PRR16: variants seen among roughly 807,000 people sequenced by gnomAD.
The protein encoded by PRR16 is proline rich 16.
In PRR16, 6 loss-of-function variants were observed where a neutral mutation model predicts 18.2. The ratio of observed to expected loss-of-function variants is 0.33; its 90% confidence interval spans 0.18 to 0.65. The LOEUF (loss-of-function observed/expected upper bound fraction) is 0.65, where lower values mean the gene tolerates loss of function less well. Ranked by LOEUF, PRR16 falls within the 30% of genes least tolerant of loss-of-function variation. The pLI, the probability that PRR16 is intolerant of heterozygous loss-of-function variation, is 0.74. For synonymous variants in PRR16, 151 were observed against 147.8 expected (o/e 1.02, Z -0.16); for missense variants, 412 against 376.6 (o/e 1.09, Z -0.78).
At chr5:120,717,458 T>A in the PRR16 span, among the ~76,000 whole-genome samples, 3 of 152,200 alleles carry the variant, frequency 2.0e-5, no homozygotes, top group Non-Finnish European at 4.4e-5. Context: ...AAATGATGAT[T>A]TGATTAATAA....
the PRR16 span, among the ~76,000 whole-genome samples, chr5:120,783,363 C>T: frequency 1.3e-5 from 2 of 151,982 alleles, no homozygotes; most frequent in South Asian, 2.1e-4. Context: ...GTATTTAATT[C>T]TATATATATC....
chr5:120,793,944 G>A, the PRR16 span, among the ~76,000 whole-genome samples: 2 of 152,028 alleles, frequency 1.3e-5, no homozygotes, highest in African/African-American at 4.8e-5. Flanking sequence ...ACATAGAAAA[G>A]ATACATTGAA....
chr5:120,593,335 AAG>A (rs1166080408), intron 1 of PRR16, among the ~76,000 whole-genome samples: 3 of 151,972 alleles, frequency 2.0e-5, no homozygotes, highest in Non-Finnish European at 1.5e-5. Flanking sequence ...GCTGACCCCA[AAG>A]AGATACAAAT....
At chr5:120,557,044 G>A (rs1336785131) in intron 1 of PRR16, among the ~76,000 whole-genome samples, 1 of 151,626 alleles carries the variant, frequency 6.6e-6, no homozygotes, top group Non-Finnish European at 1.5e-5. Context: ...AGACCCAGAT[G>A]TAACACTGGA....
rs1751812559 is a variant in PRR16, at chr5:120,538,776, G to A, written c.159+74131G>A. 2.0e-5 allele frequency among the ~76,000 whole-genome samples: 3 copies of A among 152,110 alleles called. 1 individual carries two copies. In the South Asian group the frequency reaches 6.2e-4, roughly 32 times the overall value. On this transcript the variant is annotated intron_variant, in intron 1 of 1. Coordinates refer to ENST00000407149, the MANE Select transcript of PRR16 (RefSeq NM_001300783.2). ...GTTCCAAATAATCTTGTTCTTTAAG[G>A]TATCAGTCATCTGAATTACCTCACT... is the stretch of plus-strand genomic sequence containing the variant.
At chr5:120,729,822 G>T in the PRR16 span, among the ~76,000 whole-genome samples, 3 of 152,082 alleles carry the variant, frequency 2.0e-5, no homozygotes, top group African/African-American at 7.2e-5. Flanking sequence ...ATCTTGCTGG[G>T]CTGTGAAGGT....
chr5:120,498,628 C>T (rs1000666575), intron 1 of PRR16, among the ~76,000 whole-genome samples: 17 of 151,322 alleles, frequency 1.1e-4, no homozygotes, highest in Non-Finnish European at 2.1e-4. Context: ...TCCAGATGTT[C>T]GAAGGCTGTT....
At chr5:120,628,680 T>A (rs200537350) in intron 1 of PRR16, among the ~76,000 whole-genome samples, 116 of 145,486 alleles carry the variant, frequency 8.0e-4, no homozygotes, top group South Asian at 2.5e-3. Context: ...TCTATCTATC[T>A]ATCTATCATT....
chr5:120,495,673 G>T (rs749547955), intron 1 of PRR16, among the ~76,000 whole-genome samples: 5 of 152,054 alleles, frequency 3.3e-5, no homozygotes, highest in Non-Finnish European at 7.4e-5. Flanking sequence ...CTCATTGCTA[G>T]TGTAGAGAGA....
At chr5:120,477,676 T>A (rs1749485742) in intron 1 of PRR16, among the ~76,000 whole-genome samples, 1 of 152,224 alleles carries the variant, frequency 6.6e-6, no homozygotes, top group South Asian at 2.1e-4. Context: ...TTTCTCATTT[T>A]ACTCAAAGTC....
chr5:120,730,557 A>T, the PRR16 span, among the ~76,000 whole-genome samples: 6 of 152,196 alleles, frequency 3.9e-5, no homozygotes, highest in Non-Finnish European at 8.8e-5. Context: ...CCAAGGATGG[A>T]TTCTTAGGAA....
chr5:120,537,769 G>GTT (rs71623210), intron 1 of PRR16, among the ~76,000 whole-genome samples: 19 of 115,186 alleles, frequency 1.6e-4, no homozygotes, highest in African/African-American at 6.2e-4. Flanking sequence ...AATTTTTAAT[G>GTT]TTTTTTTTTT....
chr5:120,653,463 CT>C (rs1421566749), intron 1 of PRR16, among the ~76,000 whole-genome samples: 1 of 151,676 alleles, frequency 6.6e-6, no homozygotes, highest in Admixed American at 6.6e-5. Context: ...ATTGGTATAT[CT>C]TTTTTGCATT....
At chr5:120,513,642 T>C (rs187731271) in intron 1 of PRR16, among the ~76,000 whole-genome samples, 1 of 152,134 alleles carries the variant, frequency 6.6e-6, no homozygotes, top group African/African-American at 2.4e-5. Flanking sequence ...CTATTACATC[T>C]CTGTGTTTTT....
intron 1 of PRR16, among the ~76,000 whole-genome samples, chr5:120,581,702 G>A (rs1753278286): frequency 6.6e-6 from 1 of 152,118 alleles, no homozygotes; most frequent in South Asian, 2.1e-4. Context: ...GAGTCCCAGA[G>A]ATTCTGGTAT....
the PRR16 span, among the ~76,000 whole-genome samples, chr5:120,765,211 TCTGTGAAATA>T: frequency 7.9e-5 from 12 of 152,038 alleles, no homozygotes; most frequent in Admixed American, 4.6e-4. Flanking sequence ...CAGAAAATAA[TCTGTGAAATA>T]TTTTCCCTTA....
At chr5:120,586,174 A>AG (rs1264382097) in intron 1 of PRR16, among the ~76,000 whole-genome samples, 8 of 151,682 alleles carry the variant, frequency 5.3e-5, no homozygotes, top group Non-Finnish European at 1.2e-4. Context: ...TCCATCTCAA[A>AG]AAAAAAAAAA....
At chr5:120,753,500 A>G in the PRR16 span, among the ~76,000 whole-genome samples, 1 of 151,890 alleles carries the variant, frequency 6.6e-6, no homozygotes, top group Non-Finnish European at 1.5e-5. Flanking sequence ...ATGGAGTCTT[A>G]GAAACTTGAT....
the PRR16 span, among the ~76,000 whole-genome samples, chr5:120,742,367 A>G: frequency 1.3e-5 from 2 of 149,046 alleles, no homozygotes; most frequent in Admixed American, 6.7e-5. Flanking sequence ...TGGAAAGTTT[A>G]TAATGCTCTT....
Sources: gnomAD v4.1 joint callset for allele counts (sites outside exome capture counted in the v4.1 genomes callset) on GRCh38, gnomAD v4.1.1 for gene constraint, MANE v1.5 for transcripts, NCBI Gene and HGNC (gene_info 2026-07-23, HGNC 2026-07-21) for gene names.